The following RHCE variants were observed in gnomAD, a reference collection of about 807,000 sequenced individuals.
The protein encoded by RHCE is Rh blood group CcEe antigens.
RHCE carries 22 observed loss-of-function variants against 43.8 expected under a neutral mutation model. That is an observed-to-expected ratio of 0.50 (90% CI 0.36 to 0.72). RHCE has a LOEUF of 0.72. RHCE is among the 30% of genes least tolerant of loss of function. RHCE has a pLI of 0.00. For missense variants in RHCE, 385 were observed against 525.4 expected, an observed-to-expected ratio of 0.73 and a Z score of 2.61; for synonymous variants, 156 against 210.7, an observed-to-expected ratio of 0.74 and a Z score of 2.25.
intron 1 of RHCE, among the ~76,000 whole-genome samples, chr1:25,418,814 G>A (rs28455152): frequency 0.074 from 11,278 of 152,196 alleles, 1,343 homozygotes; most frequent in African/African-American, 0.25. Flanking sequence ...CCCTGCCTGG[G>A]TTGTGGACCC....
rs960844985 is a variant in RHCE at position 25,378,235 on chromosome 1, C to G, written c.1074-2807G>C. Reference sequence around the variant, plus strand: ...CTGGTGATTAGATTGGCGCAAACTACTAGAGAAAACTGTTTAGCAGTAGCC... The same window carrying G: ...CTGGTGATTAGATTGGCGCAAACTAGTAGAGAAAACTGTTTAGCAGTAGCC... On this transcript the variant is annotated intron_variant, in intron 7 of 9. Coordinates refer to ENST00000294413, the MANE Select transcript of RHCE (RefSeq NM_020485.8). Among the ~76,000 whole-genome samples, 9 of 152,328 alleles carry G rather than the reference C, an allele frequency of 5.9e-5. 1 individual carries two copies. The highest frequency in any genetic ancestry group is 2.2e-4 in the African/African-American group (9 of 41,574).
intron 1 of RHCE, among the ~76,000 whole-genome samples, chr1:25,429,454 T>C (rs1004793852): frequency 6.6e-6 from 1 of 152,132 alleles, no homozygotes; most frequent in African/African-American, 2.4e-5. Flanking sequence ...CGCCCAGCCC[T>C]TCCTGGGAAG....
rs1159897113 is a variant in RHCE, at chr1:25,408,830, C to A, written c.188G>T (p.Gly63Val). The change falls in exon 2 of 10, where the codon GGC becomes GTC. Residue 63 changes from glycine (G) to valine (V), a missense_variant. Gly to Val is a moderately radical substitution (Grantham distance 109). Coordinates refer to ENST00000294413, the MANE Select transcript of RHCE (RefSeq NM_020485.8). ...TCTCCGGAAATTTGAGGTGAGGAAG[C>A]CCAAGCCAAGGGCCGCCATCACGGT... ...DLTVMAALGL[G>V]FLTSNFRRHS... The A allele has an allele frequency of 3.9e-6, 5 of 1,283,224 alleles. 2 individuals carry two copies. The African/African-American group carries it at 4.1e-5, about 11-fold the overall frequency. 79.5% of individuals were successfully genotyped at this position (1,283,224 alleles called of 1,614,324 possible). A position where few individuals can be genotyped will look rare whatever the true frequency, so the allele number is the denominator to read the frequency against.
At chr1:25,420,168 T>C (rs2042728490) in intron 1 of RHCE, among the ~76,000 whole-genome samples, 1 of 151,638 alleles carries the variant, frequency 6.6e-6, no homozygotes, top group African/African-American at 2.4e-5. Flanking sequence ...GGCAACAGAG[T>C]GAGACCCTGT....
rs553581205 is a variant in RHCE, at chr1:25,409,691, CT to C, written c.149-823del. Among the ~76,000 whole-genome samples, 463 of 126,710 alleles carry C rather than the reference CT, an allele frequency of 3.7e-3. 24 individuals are homozygous for C. Among genetic ancestry groups the C allele is most frequent in the African/African-American group, 0.011 (438 of 40,282 alleles). The allele number at this position is 126,710 out of a possible 152,430, so 83.1% of individuals were successfully genotyped here. On this transcript the variant is annotated intron_variant, in intron 1 of 9. Transcript: ENST00000294413. ...TAACTGTGTGGTCTTGATCTAGTTA[CT>C]TAACATCTCTGAGCTTTATAACAGC...
rs377579827 is a variant in RHCE, at chr1:25,400,672, C to T, written c.486+1924G>A. ...AGCTTCAGACTTGTACATCTCCATT[C>T]AGTGTCTCCACTGGGATGTTTCATA... On this transcript the variant is annotated intron_variant, in intron 3 of 9. Transcript: ENST00000294413. 7.3e-5 allele frequency among the ~76,000 whole-genome samples: 11 copies of T among 151,710 alleles called. No individual in the cohort carries two copies. In the East Asian group the frequency reaches 1.9e-3, roughly 27 times the overall value.
Position 25,385,811 on chromosome 1 carries a change from TGTG to T in RHCE, c.970_972del (p.His324del). The T allele has an allele frequency of 6.2e-7, 1 of 1,613,960 alleles. No individual in the cohort carries two copies. The highest frequency in any genetic ancestry group is 8.5e-7 in the Non-Finnish European group (1 of 1,180,006). On this transcript the variant is annotated inframe_deletion, in exon 7 of 10. Coordinates refer to ENST00000294413, the MANE Select transcript of RHCE (RefSeq NM_020485.8). ...CTGAAGATGGAGTGCATGACGGAGA[TGTG>T]GTGAATCCCCAGCACTCGGTTACAA...
At chr1:25,379,491 AT>A (rs1645921671) in intron 7 of RHCE, among the ~76,000 whole-genome samples, 1 of 18,300 alleles carries the variant, frequency 5.5e-5, no homozygotes, top group African/African-American at 4.4e-4. Context: ...ATATATATAT[AT>A]ATATTTTTTT....
rs1646340732 is a variant in RHCE, at chr1:25,390,902, C to T, written c.648G>A (p.Leu216=). 3 of 1,614,214 alleles carry T rather than the reference C, an allele frequency of 1.9e-6. No homozygotes were observed. Among genetic ancestry groups the T allele is most frequent in the Non-Finnish European group, 2.5e-6 (3 of 1,180,030 alleles). Residue 216 remains leucine, a synonymous_variant, in exon 5 of 10, where the codon TTG becomes TTA. Coordinates refer to ENST00000294413, the MANE Select transcript of RHCE (RefSeq NM_020485.8). ...SLSAMLGALF[L]WMFWPSVNSA... ...AGTTGACACTTGGCCAGAACATCCA[C>T]AAGAAGAGGGCGCCTGGGGGCCAGA...
intron 2 of RHCE, among the ~76,000 whole-genome samples, chr1:25,405,450 C>T (rs1353189735): frequency 1.3e-5 from 2 of 152,132 alleles, no homozygotes; most frequent in Non-Finnish European, 2.9e-5. Flanking sequence ...GTCAGGAGTT[C>T]GAGACCAACC....
At chr1:25,419,276 T>C (rs1361286106) in intron 1 of RHCE, among the ~76,000 whole-genome samples, 2 of 152,254 alleles carry the variant, frequency 1.3e-5, no homozygotes, top group African/African-American at 2.4e-5. Flanking sequence ...ATGTCATACA[T>C]GGTTGAATGA....
intron 6 of RHCE, among the ~76,000 whole-genome samples, chr1:25,387,688 C>T (rs682529): frequency 5.9e-5 from 9 of 152,116 alleles, no homozygotes; most frequent in African/African-American, 1.4e-4. Flanking sequence ...TGGTTTTGGT[C>T]AATCGAAGTA....
At chr1:25,414,175 CAA>C (rs1647206448) in intron 1 of RHCE, among the ~76,000 whole-genome samples, 1 of 151,210 alleles carries the variant, frequency 6.6e-6, no homozygotes, top group Non-Finnish European at 1.5e-5. Context: ...AGGCCTGTTG[CAA>C]AGAGACCACT....
chr1:25,362,515 G>A lies in RHCE; in HGVS notation c.*12C>T. The A allele has an allele frequency of 6.3e-7, 1 of 1,598,410 alleles. No individual in the cohort carries two copies. Among genetic ancestry groups the A allele is most frequent in the South Asian group, 1.1e-5 (1 of 89,026 alleles). On this transcript the variant is annotated 3_prime_UTR_variant, in exon 10 of 10. Transcript: ENST00000294413. ...TTTTTGAACAGGCCTTGTTTTTCTT[G>A]GATGCTTTTGCTTAAAATCCAACAG...
intron 4 of RHCE, among the ~76,000 whole-genome samples, chr1:25,391,777 T>G (rs974952579): frequency 6.6e-6 from 1 of 152,180 alleles, no homozygotes; most frequent in African/African-American, 2.4e-5. Flanking sequence ...GAGTCTCTCC[T>G]TTCTAGTGGA....
At chr1:25,394,550 C>T (rs1646483160) in intron 3 of RHCE, among the ~76,000 whole-genome samples, 2 of 152,120 alleles carry the variant, frequency 1.3e-5, no homozygotes, top group African/African-American at 4.8e-5. Flanking sequence ...TGGTACTTAC[C>T]ACTCTCTAAC....
chr1:25,380,097 G>T (rs576190776), intron 7 of RHCE, among the ~76,000 whole-genome samples: 36 of 145,116 alleles, frequency 2.5e-4, no homozygotes, highest in South Asian at 1.2e-3. Context: ...ATTCCCTCTG[G>T]CTGTAAGCCT....
intron 8 of RHCE, among the ~76,000 whole-genome samples, chr1:25,373,935 T>C (rs1325175914): frequency 6.6e-6 from 1 of 150,880 alleles, no homozygotes; most frequent in African/African-American, 2.5e-5. Flanking sequence ...ATTCCCCTAC[T>C]TCAGCCTCCC....
At chr1:25,401,541 A>T (rs1207124522) in intron 3 of RHCE, among the ~76,000 whole-genome samples, 1 of 152,134 alleles carries the variant, frequency 6.6e-6, no homozygotes, top group Non-Finnish European at 1.5e-5. Flanking sequence ...ACAGCAGAGG[A>T]GCTGGGAGAG....
Sources: gnomAD v4.1 joint callset for allele counts (sites outside exome capture counted in the v4.1 genomes callset) on GRCh38, gnomAD v4.1.1 for gene constraint, MANE v1.5 for transcripts, NCBI Gene and HGNC (gene_info 2026-07-23, HGNC 2026-07-21) for gene names.